Variants in SH3GL2 observed in about 807,000 individuals in gnomAD.
The protein encoded by SH3GL2 is SH3 domain containing GRB2 like 2, endophilin A1.
In SH3GL2, 24 loss-of-function variants were observed where a neutral mutation model predicts 46.0. The ratio of observed to expected loss-of-function variants is 0.52; its 90% CI spans 0.38 to 0.73. The LOEUF (loss-of-function observed/expected upper bound fraction) is 0.73, where lower values mean the gene tolerates loss of function less well. Among genes scored for constraint, SH3GL2 ranks in the 30% least tolerant of loss-of-function variants. The probability of loss-of-function intolerance (pLI) is 0.00; values close to 1 mark genes in which losing one functional copy is unlikely to be tolerated. For missense variants in SH3GL2, 413 were observed against 424.2 expected (o/e 0.97, Z 0.23); for synonymous variants, 196 against 147.1 (o/e 1.33, Z -2.40).
At position 17,665,707 on chromosome 9, in the gene SH3GL2, C is replaced by T. The variant is rs1041644236; in HGVS notation, c.46-81359C>T. Among the ~76,000 whole-genome samples, 5 of 151,766 alleles carry T rather than the reference C, an allele frequency of 3.3e-5. 1 individual carries two copies. The highest frequency in any genetic ancestry group is 1.2e-4 in the African/African-American group (5 of 41,318). On this transcript the variant is annotated intron_variant, in intron 1 of 8. Coordinates refer to ENST00000380607, the MANE Select transcript of SH3GL2 (RefSeq NM_003026.5). ...ACTTTTTCTGCTGCATCCTTGGAAT[C>T]AGCCAGTACTCTAAGGACCCCTGGT...
chr9:17,666,575 T>TGTGG (rs1484942919), intron 1 of SH3GL2, among the ~76,000 whole-genome samples: 4 of 139,790 alleles, frequency 2.9e-5, no homozygotes, highest in South Asian at 5.0e-4. Context: ...TGTGTGTGTG[T>TGTGG]GTGTATATAC....
At chr9:17,780,298 A>G (rs1407705577) in intron 3 of SH3GL2, among the ~76,000 whole-genome samples, 1 of 152,036 alleles carries the variant, frequency 6.6e-6, no homozygotes, top group African/African-American at 2.4e-5. Context: ...ATCATAGAAC[A>G]TGTATTCTTT....
chr9:17,658,493 A>G (rs962746258), intron 1 of SH3GL2, among the ~76,000 whole-genome samples: 1 of 152,230 alleles, frequency 6.6e-6, no homozygotes, highest in Non-Finnish European at 1.5e-5. Context: ...AATTAATAAA[A>G]AATAGTAACA....
Position 17,580,890 on chromosome 9 carries a change from T to G in SH3GL2, c.45+1603T>G, listed in dbSNP as rs925825838. 4.3e-4 allele frequency among the ~76,000 whole-genome samples: 66 copies of G among 152,334 alleles called. 1 individual carries two copies. The highest frequency in any genetic ancestry group is 1.5e-3 in the African/African-American group (62 of 41,578). ...TTCTAAAGATTTCTTTTGCAAAGCT[T>G]AGTGCCCTCAAAGGCAATTAAGAGT... is the stretch of plus-strand genomic sequence containing the variant. On this transcript the variant is annotated intron_variant, in intron 1 of 8. Transcript: ENST00000380607.
At chr9:17,655,356 A>G (rs73420527) in intron 1 of SH3GL2, among the ~76,000 whole-genome samples, 8,242 of 152,142 alleles carry the variant, frequency 0.054, 755 homozygotes, top group African/African-American at 0.19. Context: ...AGGAAATTGG[A>G]TGTTTTACTA....
chr9:17,667,252 A>G (rs566525618), intron 1 of SH3GL2, among the ~76,000 whole-genome samples: 2 of 152,264 alleles, frequency 1.3e-5, no homozygotes, highest in African/African-American at 4.8e-5. Context: ...TTAAAAGTGT[A>G]CAATTCAGTG....
intron 1 of SH3GL2, among the ~76,000 whole-genome samples, chr9:17,636,944 G>C (rs771829903): frequency 1.3e-5 from 2 of 152,206 alleles, no homozygotes; most frequent in Admixed American, 6.5e-5. Flanking sequence ...CTTCATGTGT[G>C]ATGTGTTGTT....
chr9:17,627,394 T>C (rs1426063627), intron 1 of SH3GL2, among the ~76,000 whole-genome samples: 1 of 152,156 alleles, frequency 6.6e-6, no homozygotes, highest in Non-Finnish European at 1.5e-5. Flanking sequence ...TGCTGGGTTC[T>C]TCATTCCTGG....
At chr9:17,748,266 G>A (rs576899848) in intron 2 of SH3GL2, among the ~76,000 whole-genome samples, 2 of 152,264 alleles carry the variant, frequency 1.3e-5, no homozygotes, top group Non-Finnish European at 2.9e-5. Flanking sequence ...GTCTTAAGTG[G>A]GTGGTGGGTA....
At chr9:17,679,276 C>G (rs1248563065) in intron 1 of SH3GL2, among the ~76,000 whole-genome samples, 1 of 152,118 alleles carries the variant, frequency 6.6e-6, no homozygotes, top group African/African-American at 2.4e-5. Flanking sequence ...ATGGAATGTT[C>G]TTCCATTTGT....
chr9:17,682,764 A>G (rs931400973), intron 1 of SH3GL2, among the ~76,000 whole-genome samples: 1 of 152,098 alleles, frequency 6.6e-6, no homozygotes, highest in Non-Finnish European at 1.5e-5. Context: ...AAGTTTGGAT[A>G]AATTCTAAGA....
intron 2 of SH3GL2, among the ~76,000 whole-genome samples, chr9:17,749,311 G>T (rs1822780622): frequency 6.6e-6 from 1 of 152,184 alleles, no homozygotes; most frequent in African/African-American, 2.4e-5. Context: ...CACATTTCCA[G>T]AAATGTCTTG....
chr9:17,721,760 C>A (rs1048397906), intron 1 of SH3GL2, among the ~76,000 whole-genome samples: 2 of 152,072 alleles, frequency 1.3e-5, no homozygotes, highest in South Asian at 4.1e-4. Context: ...TTCTGGTTCT[C>A]CAGTTTGAAG....
intron 1 of SH3GL2, among the ~76,000 whole-genome samples, chr9:17,703,958 G>A (rs1821401228): frequency 6.6e-6 from 1 of 151,972 alleles, no homozygotes; most frequent in African/African-American, 2.4e-5. Context: ...CAGTCAGCAA[G>A]AGGTATAAAA....
intron 1 of SH3GL2, among the ~76,000 whole-genome samples, chr9:17,731,094 C>G (rs1479370830): frequency 2.0e-5 from 3 of 152,042 alleles, no homozygotes; most frequent in Admixed American, 6.6e-5. Context: ...GTTGTATAGT[C>G]CTTGTGGCAG....
chr9:17,705,133 A>G (rs1588258156), intron 1 of SH3GL2, among the ~76,000 whole-genome samples: 1 of 152,238 alleles, frequency 6.6e-6, no homozygotes, highest in African/African-American at 2.4e-5. Context: ...CAACAAGCAT[A>G]TAAAAACATG....
chr9:17,630,031 A>G (rs1215725098), intron 1 of SH3GL2, among the ~76,000 whole-genome samples: 2 of 152,192 alleles, frequency 1.3e-5, no homozygotes, highest in Admixed American at 6.5e-5. Context: ...GGGGACAGAC[A>G]TAAAAAGCCT....
At position 17,646,201 on chromosome 9, in the gene SH3GL2, G is replaced by C. The variant is rs374423295; in HGVS notation, c.45+66914G>C. ...CTTGTGTATGCTTCACCAAGTTCTC[G>C]TGCTATGTTTTTCCGCTCCATCAGG... On this transcript the variant is annotated intron_variant, in intron 1 of 8. Coordinates refer to ENST00000380607, the MANE Select transcript of SH3GL2 (RefSeq NM_003026.5). Among the ~76,000 whole-genome samples the C allele has an allele frequency of 1.4e-4, 21 of 151,724 alleles. No homozygotes were observed. The East Asian group carries it at 2.9e-3, about 21-fold the overall frequency.
At chr9:17,654,986 G>A (rs11999457) in intron 1 of SH3GL2, among the ~76,000 whole-genome samples, 1 of 152,110 alleles carries the variant, frequency 6.6e-6, no homozygotes, top group Non-Finnish European at 1.5e-5. Context: ...ACCATAGTTT[G>A]GTGTTTTGCA....
Sources: allele counts gnomAD v4.1 joint callset (sites outside exome capture counted in the v4.1 genomes callset), GRCh38; gene constraint gnomAD v4.1.1; transcripts MANE v1.5; gene names NCBI Gene and HGNC (gene_info 2026-07-23, HGNC 2026-07-21).